Variants in MKLN1 observed in about 807,000 individuals in gnomAD.
MKLN1 encodes the protein muskelin 1, also known as muskelin.
A neutral mutation model predicts 99.0 loss-of-function variants in MKLN1; 18 were observed. That is an observed-to-expected ratio of 0.18 (90% CI 0.13 to 0.27). The LOEUF (loss-of-function observed/expected upper bound fraction) is 0.27, where lower values mean the gene tolerates loss of function less well. Ranked by LOEUF, MKLN1 falls within the 10% of genes least tolerant of loss-of-function variation. The probability of loss-of-function intolerance (pLI) is 1.00; values close to 1 mark genes in which losing one functional copy is unlikely to be tolerated. For synonymous variants in MKLN1, 288 were observed against 293.2 expected, an observed-to-expected ratio of 0.98 and a Z score of 0.18; for missense variants, 621 against 875.9, an observed-to-expected ratio of 0.71 and a Z score of 3.67.
At chr7:131,383,816 T>G (rs1326901653) in intron 2 of MKLN1, among the ~76,000 whole-genome samples, 1 of 152,228 alleles carries the variant, frequency 6.6e-6, no homozygotes, top group Non-Finnish European at 1.5e-5. Context: ...AACTGTCTAC[T>G]GTTGTCCATC....
intron 8 of MKLN1, among the ~76,000 whole-genome samples, chr7:131,416,505 A>G (rs1360728479): frequency 1.3e-5 from 2 of 150,326 alleles, no homozygotes; most frequent in African/African-American, 4.9e-5. Flanking sequence ...AAAGTTATAA[A>G]GGCCTAGGTA....
intron 3 of MKLN1, among the ~76,000 whole-genome samples, chr7:131,295,362 A>G (rs2116607233): frequency 6.6e-6 from 1 of 152,282 alleles, no homozygotes; most frequent in East Asian, 1.9e-4. Context: ...ATAAATGCTG[A>G]TAAACACATT....
intron 8 of MKLN1, among the ~76,000 whole-genome samples, chr7:131,428,378 A>G (rs933321604): frequency 1.3e-5 from 2 of 152,180 alleles, no homozygotes; most frequent in Non-Finnish European, 2.9e-5. Context: ...ATGTACCACA[A>G]TATATCTGGA....
chr7:131,176,432 C>G (rs930629079), intron 2 of MKLN1, among the ~76,000 whole-genome samples: 34 of 152,098 alleles, frequency 2.2e-4, no homozygotes, highest in African/African-American at 8.0e-4. Context: ...CTCAAATGAT[C>G]CTTGTTGGTA....
chr7:131,322,808 G>C (rs1798808817), intron 3 of MKLN1, among the ~76,000 whole-genome samples: 1 of 151,242 alleles, frequency 6.6e-6, no homozygotes. Context: ...CTGACCTCAT[G>C]ATCCACCCGC....
chr7:131,193,766 C>A (rs912542163), intron 2 of MKLN1, among the ~76,000 whole-genome samples: 24 of 152,144 alleles, frequency 1.6e-4, no homozygotes, highest in African/African-American at 5.3e-4. Flanking sequence ...CCCCACCACC[C>A]ACCCACAATG....
At chr7:131,301,333 C>T (rs925255577) in intron 3 of MKLN1, among the ~76,000 whole-genome samples, 5 of 152,128 alleles carry the variant, frequency 3.3e-5, no homozygotes, top group South Asian at 2.1e-4. Context: ...CAGAGGTTCT[C>T]GACCTTTGTG....
At chr7:131,428,478 A>G (rs1479522934) in intron 8 of MKLN1, among the ~76,000 whole-genome samples, 2 of 152,178 alleles carry the variant, frequency 1.3e-5, no homozygotes, top group Non-Finnish European at 1.5e-5. Context: ...AGTTTTAACC[A>G]TTGTTTTTGA....
chr7:131,204,252 A>T (rs4731763), intron 3 of MKLN1, among the ~76,000 whole-genome samples: 70,264 of 151,704 alleles, frequency 0.46, 16,960 homozygotes, highest in South Asian at 0.61. Flanking sequence ...TGGGGAATGA[A>T]TATGTAGTCA....
exon 2 of MKLN1, chr7:131,142,826 A>C: frequency 9.8e-7 from 1 of 1,018,198 alleles, no homozygotes; most frequent in Non-Finnish European, 1.4e-6. Context: ...CCAGAGTTCC[A>C]TATCCAGACT....
chr7:131,178,414 G>A (rs1198591792), intron 2 of MKLN1, among the ~76,000 whole-genome samples: 1 of 150,324 alleles, frequency 6.7e-6, no homozygotes, highest in Admixed American at 6.7e-5. Flanking sequence ...TGGGATTACA[G>A]GCATGAGCCA....
At chr7:131,229,615 A>G (rs1316787377) in intron 3 of MKLN1, among the ~76,000 whole-genome samples, 1 of 152,048 alleles carries the variant, frequency 6.6e-6, no homozygotes, top group African/African-American at 2.4e-5. Context: ...ACATGTGGTG[A>G]CAAGACCACA....
At chr7:131,274,560 C>T (rs1464456407) in intron 3 of MKLN1, among the ~76,000 whole-genome samples, 1 of 150,596 alleles carries the variant, frequency 6.6e-6, no homozygotes, top group Non-Finnish European at 1.5e-5. Context: ...GGAGGATCAC[C>T]TGAGTCCAAG....
At chr7:131,393,330 A>T (rs1433915844) in intron 4 of MKLN1, among the ~76,000 whole-genome samples, 1 of 152,194 alleles carries the variant, frequency 6.6e-6, no homozygotes, top group Non-Finnish European at 1.5e-5. Flanking sequence ...TCTAATATGC[A>T]TTATTAGTAT....
chr7:131,295,883 C>CAAAAAAAAAAAAAAAAAA, intron 3 of MKLN1, among the ~76,000 whole-genome samples: 1 of 103,456 alleles, frequency 9.7e-6, no homozygotes, highest in Non-Finnish European at 2.1e-5. Flanking sequence ...ACGTCCTATC[C>CAAAAAAAAAAAAAAAAAA]AAAAAAAAAA....
rs116712444 is a variant in MKLN1, at chr7:131,208,058, G to A, written c.-179+5084G>A. On this transcript the variant is annotated intron_variant, in intron 3 of 7. Coordinates refer to the MKLN1 transcript ENST00000416992. Reference sequence around the variant, plus strand: ...TTCTTTTCAATTGTCCCAGACCTTCGGAAAAGAGTGAGAAAATGCTACCAT... The same window carrying A: ...TTCTTTTCAATTGTCCCAGACCTTCAGAAAAGAGTGAGAAAATGCTACCAT... 4.1e-3 allele frequency among the ~76,000 whole-genome samples: 626 copies of A among 152,196 alleles called. 5 individuals carry two copies. The highest frequency in any genetic ancestry group is 0.014 in the African/African-American group (594 of 41,524).
At chr7:131,321,588 T>A (rs910237357) in intron 3 of MKLN1, among the ~76,000 whole-genome samples, 15 of 151,970 alleles carry the variant, frequency 9.9e-5, no homozygotes, top group African/African-American at 3.1e-4. Flanking sequence ...AAGTAAAATT[T>A]AAAAAAAATA....
At chr7:131,160,600 C>T (rs1796034059) in intron 2 of MKLN1, among the ~76,000 whole-genome samples, 1 of 150,122 alleles carries the variant, frequency 6.7e-6, no homozygotes, top group South Asian at 2.1e-4. Context: ...CTTACTGCAA[C>T]CTCTGCCTCC....
At chr7:131,138,349 T>C (rs1795682826) in intron 1 of MKLN1, among the ~76,000 whole-genome samples, 1 of 152,218 alleles carries the variant, frequency 6.6e-6, no homozygotes, top group South Asian at 2.1e-4. Flanking sequence ...ATTTCATTAT[T>C]CACGGTTTTT....
Sources: allele counts gnomAD v4.1 joint callset (sites outside exome capture counted in the v4.1 genomes callset), GRCh38; gene constraint gnomAD v4.1.1; transcripts MANE v1.5; gene names NCBI Gene and HGNC (gene_info 2026-07-23, HGNC 2026-07-21).